TNKS: variants seen among roughly 807,000 people sequenced by gnomAD.
TNKS encodes poly [ADP-ribose] polymerase tankyrase-1.
Under a neutral mutation model 135.8 loss-of-function variants are expected in TNKS, and 72 were observed. That is an observed-to-expected ratio of 0.53 (90% confidence interval 0.44 to 0.64). The LOEUF (loss-of-function observed/expected upper bound fraction) is 0.64, where lower values mean the gene tolerates loss of function less well. TNKS is among the 30% of genes least tolerant of loss of function. The pLI is 0.00. For synonymous variants in TNKS, 849 were observed against 649.3 expected, an observed-to-expected ratio of 1.31 and a Z score of -4.68; for missense variants, 1,769 against 1,674.0, an observed-to-expected ratio of 1.06 and a Z score of -0.99.
chr8:9,603,150 T>G (rs1225886251), intron 2 of TNKS, among the ~76,000 whole-genome samples: 2 of 152,168 alleles, frequency 1.3e-5, no homozygotes, highest in Admixed American at 6.6e-5. Flanking sequence ...TCTCCCAGTT[T>G]CAGGCCATTC....
Position 9,735,463 on chromosome 8 carries a change from C to G in TNKS, c.2620C>G (p.Leu874Val). 6.2e-7 allele frequency: 1 copy of G among 1,613,914 alleles called. No homozygotes were observed. Among genetic ancestry groups the G allele is most frequent in the Non-Finnish European group, 8.5e-7 (1 of 1,179,886 alleles). Residue 874 changes from leucine to valine, a missense_variant, in exon 17 of 27, where the codon CTT becomes GTT. This residue lies in a region of TNKS where 722 missense variants were observed against 688.9 expected (regional missense o/e 1.05). Transcript: ENST00000310430. Reference sequence around the variant, plus strand: ...CCAGGACAAGGGTGGTTTAATTCCTCTTCATAATGCGGCATCTTATGGGGT... The same window carrying G: ...CCAGGACAAGGGTGGTTTAATTCCTGTTCATAATGCGGCATCTTATGGGGT... ...NAQDKGGLIP[L>V]HNAASYGHVD...
In TNKS at chr8:9,779,671, T is replaced by C. The variant is rs1469894396; in HGVS notation, c.*2935T>C. ...TGACTCCATTCATTTTCTCCTCATC[T>C]TGGGTCTTAAAAAAGGAGACCAGAT... is the stretch of plus-strand genomic sequence containing the variant. On this transcript the variant is annotated 3_prime_UTR_variant, in exon 27 of 27. Transcript: ENST00000310430. The C allele has an allele frequency of 6.6e-6, 1 of 152,228 alleles. No homozygotes were observed. The allele number at this position is 152,228 out of a possible 1,614,324, so 9.4% of individuals were successfully genotyped here.
chr8:9,699,760 G>C (rs1037044433), intron 5 of TNKS, among the ~76,000 whole-genome samples: 3 of 152,120 alleles, frequency 2.0e-5, no homozygotes, highest in Non-Finnish European at 4.4e-5. Flanking sequence ...AGGCCTTCCT[G>C]CCATAGAGTT....
At chr8:9,566,726 A>G (rs1797558583) in intron 1 of TNKS, among the ~76,000 whole-genome samples, 1 of 149,034 alleles carries the variant, frequency 6.7e-6, no homozygotes, top group South Asian at 2.1e-4. Context: ...CTCCTGCCTC[A>G]GCCTCCCGAG....
intron 1 of TNKS, among the ~76,000 whole-genome samples, chr8:9,559,500 A>C (rs1797238500): frequency 6.6e-6 from 1 of 152,082 alleles, no homozygotes; most frequent in Non-Finnish European, 1.5e-5. Context: ...TACATGGGTA[A>C]ATTGTGAATC....
chr8:9,659,924 A>G (rs1317993920), intron 3 of TNKS, among the ~76,000 whole-genome samples: 2 of 152,256 alleles, frequency 1.3e-5, no homozygotes, highest in South Asian at 4.1e-4. Context: ...GATCCCACAG[A>G]AATACAAATT....
chr8:9,739,032 A>G (rs185614524), intron 17 of TNKS, among the ~76,000 whole-genome samples: 5 of 151,910 alleles, frequency 3.3e-5, no homozygotes, highest in African/African-American at 1.2e-4. Context: ...AGCAATGGCA[A>G]CAAAAGACAA....
At chr8:9,622,615 G>A (rs1799907449) in intron 3 of TNKS, among the ~76,000 whole-genome samples, 1 of 152,124 alleles carries the variant, frequency 6.6e-6, no homozygotes, top group East Asian at 1.9e-4. Context: ...TCATTTGGAA[G>A]GACATGGCAT....
At chr8:9,747,362 A>G (rs989678584) in intron 17 of TNKS, among the ~76,000 whole-genome samples, 4 of 146,152 alleles carry the variant, frequency 2.7e-5, no homozygotes, top group African/African-American at 1.0e-4. Context: ...AATTTCTCAG[A>G]TTTAGCCCTT....
chr8:9,759,425 G>A (rs547788271), intron 20 of TNKS, among the ~76,000 whole-genome samples: 3 of 152,326 alleles, frequency 2.0e-5, no homozygotes, highest in Admixed American at 1.3e-4. Flanking sequence ...CAGGAGGTAG[G>A]AGAGCACTTT....
intron 3 of TNKS, among the ~76,000 whole-genome samples, chr8:9,654,695 T>G (rs1801279835): frequency 6.6e-6 from 1 of 152,230 alleles, no homozygotes. Context: ...TAGAATTAGA[T>G]TTCTGTGTTC....
chr8:9,668,815 AG>A (rs1270240550), intron 3 of TNKS, among the ~76,000 whole-genome samples: 2 of 152,230 alleles, frequency 1.3e-5, no homozygotes, highest in Non-Finnish European at 2.9e-5. Flanking sequence ...TGTGTTGAGA[AG>A]GTAAGGTGGA....
chr8:9,656,245 G>C (rs933722865), intron 3 of TNKS, among the ~76,000 whole-genome samples: 59 of 152,330 alleles, frequency 3.9e-4, no homozygotes, highest in Non-Finnish European at 6.0e-4. Flanking sequence ...TATGTGAAAA[G>C]ACCAAATCTA....
chr8:9,692,696 A>C (rs1368123014), intron 5 of TNKS, among the ~76,000 whole-genome samples: 1 of 152,200 alleles, frequency 6.6e-6, no homozygotes, highest in African/African-American at 2.4e-5. Flanking sequence ...CTTTTTGATA[A>C]AGAAGTGAAT....
chr8:9,556,064 G>T lies in TNKS; in HGVS notation c.125G>T (p.Gly42Val). ...CCACTCAGCCCTGGCCTGGCCCCGG[G>T]GACCACCCCAGCCTCTCCCACGGCC... ...PPPLSPGLAP[G>V]TTPASPTASG... is the part of the protein sequence containing the mutation. The change falls in exon 1 of 27, where the codon GGG (glycine) becomes GTG (valine). Residue 42 changes from glycine to valine, a missense_variant. Around this residue, in one of 5 missense-constraint regions of TNKS, gnomAD observed 450 missense variants for 304.9 expected, o/e 1.48. Transcript: ENST00000310430. 1.2e-6 allele frequency: 2 copies of T among 1,608,336 alleles called. No homozygotes were observed. The highest frequency in any genetic ancestry group is 1.7e-6 in the Non-Finnish European group (2 of 1,178,320).
At chr8:9,603,412 G>A (rs993237253) in intron 2 of TNKS, among the ~76,000 whole-genome samples, 4 of 152,154 alleles carry the variant, frequency 2.6e-5, no homozygotes, top group South Asian at 2.1e-4. Flanking sequence ...CTCTAGTCAC[G>A]TTTCAAGAAT....
At chr8:9,647,515 G>C (rs1385178894) in intron 3 of TNKS, among the ~76,000 whole-genome samples, 1 of 152,202 alleles carries the variant, frequency 6.6e-6, no homozygotes, top group Non-Finnish European at 1.5e-5. Context: ...ACAAATGTTA[G>C]AAAATACCAA....
chr8:9,622,657 C>G (rs866380033), intron 3 of TNKS, among the ~76,000 whole-genome samples: 5 of 152,066 alleles, frequency 3.3e-5, no homozygotes, highest in African/African-American at 1.2e-4. Flanking sequence ...TAGAGTGGCC[C>G]CTAAATATAA....
At chr8:9,766,736 G>C (rs1418371908) in intron 25 of TNKS, among the ~76,000 whole-genome samples, 1 of 151,904 alleles carries the variant, frequency 6.6e-6, no homozygotes, top group Non-Finnish European at 1.5e-5. Context: ...TGCCCACCTC[G>C]GCCTCCCAAA....
Sources: gnomAD v4.1 joint callset for allele counts (sites outside exome capture counted in the v4.1 genomes callset) on GRCh38, gnomAD v4.1.1 for gene constraint, gnomAD v4.1.1 regional missense constraint, MANE v1.5 for transcripts, NCBI Gene and HGNC (gene_info 2026-07-23, HGNC 2026-07-21) for gene names.